The following SOX5 variants were observed in gnomAD, a reference collection of about 807,000 sequenced individuals.
SOX5 encodes transcription factor SOX-5.
SOX5 carries 9 observed loss-of-function variants against 92.0 expected under a neutral mutation model. That is an observed-to-expected ratio of 0.10 (90% CI 0.06 to 0.17). The LOEUF is 0.17. SOX5 is among the 10% of genes least tolerant of loss of function. The probability of loss-of-function intolerance (pLI) is 1.00; values close to 1 mark genes in which losing one functional copy is unlikely to be tolerated. For missense variants in SOX5, 642 were observed against 944.5 expected, an observed-to-expected ratio of 0.68 and a Z score of 4.20; for synonymous variants, 344 against 336.3, an observed-to-expected ratio of 1.02 and a Z score of -0.25.
At chr12:24,368,471 T>G (rs1450935231) in intron 2 of SOX5, 2 of 152,192 alleles carry the variant, frequency 1.3e-5, no homozygotes, top group Non-Finnish European at 2.9e-5. Context: ...CTTGCAAAAT[T>G]TATTTGCCAA....
rs75511473 is a variant in SOX5, at chr12:24,431,934, A to C, written c.-250-63295T>G. ...CACAAGCTGAGAAAGGAAACAGAAG[A>C]AGCATTTTAGGGAGTTTTCCTAACA... On this transcript the variant is annotated intron_variant, in intron 1 of 4. Coordinates refer to the SOX5 transcript ENST00000446891. Among the ~76,000 whole-genome samples the C allele has an allele frequency of 4.6e-3, 706 of 152,234 alleles. 11 individuals carry two copies. In the East Asian group the frequency reaches 0.051, roughly 11 times the overall value.
intron 6 of SOX5, among the ~76,000 whole-genome samples, chr12:23,717,840 G>C (rs1004495628): frequency 2.6e-5 from 4 of 152,294 alleles, no homozygotes; most frequent in Non-Finnish European, 5.9e-5. Flanking sequence ...AAAGAGAAAA[G>C]TTTTATAACT....
chr12:23,927,220 G>A (rs913874687), intron 1 of SOX5, among the ~76,000 whole-genome samples: 26 of 152,070 alleles, frequency 1.7e-4, no homozygotes, highest in African/African-American at 4.6e-4. Flanking sequence ...AATAAACTAC[G>A]TAACCATTCT....
At chr12:24,018,004 T>C (rs1953856576) in intron 4 of SOX5, among the ~76,000 whole-genome samples, 1 of 152,182 alleles carries the variant, frequency 6.6e-6, no homozygotes, top group Admixed American at 6.5e-5. Flanking sequence ...GCTCCATCAG[T>C]TTTTCCCAAA....
At chr12:23,756,308 G>A (rs192401704) in intron 3 of SOX5, among the ~76,000 whole-genome samples, 95 of 151,866 alleles carry the variant, frequency 6.3e-4, no homozygotes, top group Non-Finnish European at 1.2e-3. Context: ...AGTGAGGAAT[G>A]CTGCCTATAA....
intron 1 of SOX5, among the ~76,000 whole-genome samples, chr12:23,927,396 T>C (rs1595708198): frequency 6.6e-6 from 1 of 152,206 alleles, no homozygotes; most frequent in East Asian, 1.9e-4. Context: ...CACCTCTTTC[T>C]CCTTCTCTCT....
intron 1 of SOX5, among the ~76,000 whole-genome samples, chr12:24,383,797 T>C (rs1460365535): frequency 6.6e-6 from 1 of 152,156 alleles, no homozygotes; most frequent in African/African-American, 2.4e-5. Context: ...GGTTTCAGGA[T>C]GAAACTACCA....
intron 6 of SOX5, 108 bp from the exon 7 acceptor site, chr12:23,665,672 G>A (rs2083677894): frequency 2.3e-6 from 3 of 1,295,710 alleles, no homozygotes; most frequent in Non-Finnish European, 3.2e-6. Context: ...CAATTCAAAA[G>A]ACTGGCATAG....
chr12:24,090,783 G>A (rs921350887), intron 4 of SOX5, among the ~76,000 whole-genome samples: 2 of 152,186 alleles, frequency 1.3e-5, no homozygotes, highest in Non-Finnish European at 2.9e-5. Flanking sequence ...CAAATCCTGA[G>A]ATAATGGGGA....
chr12:23,677,340 AAAAC>A (rs1451533793), intron 6 of SOX5, among the ~76,000 whole-genome samples: 5 of 152,204 alleles, frequency 3.3e-5, no homozygotes, highest in African/African-American at 7.2e-5. Context: ...TTTAAGATAA[AAAAC>A]AAACGTTGAT....
intron 1 of SOX5, among the ~76,000 whole-genome samples, chr12:24,524,455 C>T (rs1029003034): frequency 1.3e-5 from 2 of 151,838 alleles, no homozygotes; most frequent in African/African-American, 2.4e-5. Context: ...AGCTAATACA[C>T]TCTATGTCTG....
chr12:24,355,178 T>G (rs1196263875), intron 2 of SOX5, among the ~76,000 whole-genome samples: 1 of 149,640 alleles, frequency 6.7e-6, no homozygotes, highest in Non-Finnish European at 1.5e-5. Flanking sequence ...ACTGCAGCAG[T>G]GGCAGCAATG....
intron 3 of SOX5, among the ~76,000 whole-genome samples, chr12:23,773,728 A>T (rs1026939997): frequency 6.6e-6 from 1 of 152,124 alleles, no homozygotes; most frequent in Admixed American, 6.5e-5. Context: ...GGAAAAAAAA[A>T]AATTGAGTTT....
At chr12:23,811,278 A>C (rs2095871153) in intron 3 of SOX5, among the ~76,000 whole-genome samples, 1 of 152,176 alleles carries the variant, frequency 6.6e-6, no homozygotes, top group Admixed American at 6.6e-5. Flanking sequence ...TAATATTCAC[A>C]GATTGAAAAC....
At chr12:23,828,641 T>C (rs1003660928) in intron 3 of SOX5, among the ~76,000 whole-genome samples, 3 of 152,054 alleles carry the variant, frequency 2.0e-5, no homozygotes, top group African/African-American at 7.2e-5. Context: ...AGTGAACTCA[T>C]ATATATGCAG....
intron 1 of SOX5, among the ~76,000 whole-genome samples, chr12:24,514,373 CAG>C (rs1259129992): frequency 1.3e-5 from 2 of 152,264 alleles, no homozygotes; most frequent in South Asian, 2.1e-4. Flanking sequence ...TACTCAAAAA[CAG>C]GGTAAAAATC....
chr12:23,779,225 T>A (rs1474193631), intron 3 of SOX5, among the ~76,000 whole-genome samples: 2 of 152,114 alleles, frequency 1.3e-5, no homozygotes, highest in Admixed American at 1.3e-4. Flanking sequence ...GAGAAATGTT[T>A]ATTTTTTTAT....
At chr12:24,271,670 A>C (rs186275648) in intron 3 of SOX5, among the ~76,000 whole-genome samples, 1 of 152,272 alleles carries the variant, frequency 6.6e-6, no homozygotes, top group East Asian at 1.9e-4. Context: ...TGAAGTAGAG[A>C]TCCAATCTTA....
In SOX5 at chr12:24,390,702, A is replaced by C. The variant is rs78106587; in HGVS notation, c.-250-22063T>G. 1.7e-3 allele frequency among the ~76,000 whole-genome samples: 264 copies of C among 152,272 alleles called. 2 individuals are homozygous for C. Among genetic ancestry groups the C allele is most frequent in the African/African-American group, 6.0e-3 (249 of 41,558 alleles). On this transcript the variant is annotated intron_variant, in intron 1 of 4. Transcript: ENST00000446891. The stretch of plus-strand genomic sequence containing the variant: ...CTTTCTCTTTGAATTATTTCAATTA[A>C]GATAATGGCCTCCAGTTCAATTCAT...
Sources: allele counts gnomAD v4.1 joint callset (sites outside exome capture counted in the v4.1 genomes callset), GRCh38; gene constraint gnomAD v4.1.1; transcripts MANE v1.5; gene names NCBI Gene and HGNC (gene_info 2026-07-23, HGNC 2026-07-21).